Variants in TLK2 observed in about 807,000 individuals in gnomAD.
TLK2 encodes tousled like kinase 2.
TLK2 carries 6 observed loss-of-function variants against 117.3 expected under a neutral mutation model. The ratio of observed to expected loss-of-function variants is 0.05; its 90% CI spans 0.03 to 0.10. TLK2 has a LOEUF of 0.10. Among genes scored for constraint, TLK2 ranks in the 10% least tolerant of loss-of-function variants. The pLI is 1.00. For missense variants in TLK2, 299 were observed against 901.2 expected (o/e 0.33, Z 8.56); for synonymous variants, 257 against 316.7 (o/e 0.81, Z 2.00).
intron 12 of TLK2, among the ~76,000 whole-genome samples, chr17:62,575,012 T>C (rs184629250): frequency 6.6e-6 from 1 of 152,340 alleles, no homozygotes; most frequent in African/African-American, 2.4e-5. Flanking sequence ...TCATGACTCC[T>C]GTGTGTATTT....
At chr17:62,481,306 A>G in intron 2 of TLK2, 100 bp downstream of exon 2, 1 of 1,315,378 alleles carries the variant, frequency 7.6e-7, no homozygotes, top group Non-Finnish European at 1.1e-6. Flanking sequence ...GATAGTTTGC[A>G]GGGGAGAAGA....
intron 15 of TLK2, 52 bp downstream of exon 15, chr17:62,580,244 A>T (rs1328522036): frequency 1.8e-5 from 25 of 1,369,008 alleles, no homozygotes; most frequent in African/African-American, 2.9e-5. Context: ...ATCGGCTCCT[A>T]CCAACTTGGA....
chr17:62,475,086 C>T, upstream of TLK2, among the ~76,000 whole-genome samples: 1 of 152,122 alleles, frequency 6.6e-6, no homozygotes, highest in Non-Finnish European at 1.5e-5. Flanking sequence ...TCCTAGCAAC[C>T]AAACGTTTTT....
At chr17:62,608,606 T>C (rs1229381883) in intron 21 of TLK2, among the ~76,000 whole-genome samples, 2 of 152,192 alleles carry the variant, frequency 1.3e-5, no homozygotes, top group East Asian at 3.8e-4. Flanking sequence ...CTGGGTAATT[T>C]ATAAAGGAAA....
intron 6 of TLK2, among the ~76,000 whole-genome samples, chr17:62,529,396 C>T (rs935683848): frequency 6.6e-5 from 10 of 152,012 alleles, no homozygotes; most frequent in Non-Finnish European, 1.2e-4. Context: ...ATCACCATGC[C>T]GAGATAATCT....
At chr17:62,580,087 G>A in intron 14 of TLK2, 24 bp from the exon 15 acceptor site, 1 of 1,602,824 alleles carries the variant, frequency 6.2e-7, no homozygotes, top group Non-Finnish European at 8.5e-7. Flanking sequence ...ATCTCAGGGT[G>A]TTACATGTTC....
rs1166418505 is a variant in TLK2, at chr17:62,613,983, G to T, written c.*1418G>T. The stretch of plus-strand genomic sequence containing the variant: ...TACTAAAAATATAAAAATTAGCCTG[G>T]CGTGGTGGCGTGTGCCTCTAGTCCC... On this transcript the variant is annotated 3_prime_UTR_variant, in exon 22 of 22. Coordinates refer to ENST00000346027, the MANE Select transcript of TLK2 (RefSeq NM_006852.6). 6.6e-6 allele frequency: 1 copy of T among 152,068 alleles called. No homozygotes were observed. Among genetic ancestry groups the T allele is most frequent in the Non-Finnish European group, 1.5e-5 (1 of 68,026 alleles). 9.4% of individuals were successfully genotyped at this position (152,068 alleles called of 1,614,324 possible). A position where few individuals can be genotyped will look rare whatever the true frequency, so the allele number is the denominator to read the frequency against.
intron 12 of TLK2, among the ~76,000 whole-genome samples, chr17:62,575,343 A>C (rs1052443854): frequency 1.3e-5 from 2 of 152,224 alleles, no homozygotes; most frequent in Non-Finnish European, 2.9e-5. Context: ...TTTCAGACAG[A>C]GAATTCTTAG....
At chr17:62,538,926 T>TTCCC (rs2077308178) in intron 7 of TLK2, among the ~76,000 whole-genome samples, 1 of 152,128 alleles carries the variant, frequency 6.6e-6, no homozygotes, top group Non-Finnish European at 1.5e-5. Flanking sequence ...GCAAAGACTG[T>TTCCC]TTTTGAAAAG....
intron 2 of TLK2, among the ~76,000 whole-genome samples, chr17:62,500,783 A>C (rs2074121555): frequency 6.6e-6 from 1 of 152,242 alleles, no homozygotes; most frequent in Non-Finnish European, 1.5e-5. Flanking sequence ...ATGGAATTAA[A>C]TTAGAAATGA....
At chr17:62,605,932 G>T (rs1448302116) in intron 19 of TLK2, among the ~76,000 whole-genome samples, 198 bp from the exon 20 acceptor site, 4 of 148,892 alleles carry the variant, frequency 2.7e-5, no homozygotes, top group Non-Finnish European at 5.9e-5. Flanking sequence ...ACCCGAGCTC[G>T]GGAGGTTGAG....
intron 9 of TLK2, among the ~76,000 whole-genome samples, chr17:62,559,219 G>A (rs1458493558): frequency 1.3e-5 from 2 of 152,050 alleles, no homozygotes; most frequent in Admixed American, 6.6e-5. Flanking sequence ...TGTGGGCATG[G>A]GCGTGCCTGG....
At chr17:62,596,290 G>C (rs1214174339) in intron 16 of TLK2, among the ~76,000 whole-genome samples, 1 of 151,940 alleles carries the variant, frequency 6.6e-6, no homozygotes, top group Admixed American at 6.6e-5. Context: ...TGGCCAGGAT[G>C]GTCTCCATCT....
In TLK2 at chr17:62,517,898, G is replaced by A. The variant is rs187372232; in HGVS notation, c.82-2875G>A. On this transcript the variant is annotated intron_variant, in intron 2 of 21. Coordinates refer to ENST00000346027, the MANE Select transcript of TLK2 (RefSeq NM_006852.6). ...ATTTTAGTATAGATGGGATTTCACC[G>A]TGTTGGCCAGGCTGGTCTTGAACTC... Among the ~76,000 whole-genome samples the A allele has an allele frequency of 6.1e-4, 93 of 151,660 alleles. No homozygotes were observed. In the East Asian group the frequency reaches 0.013, roughly 22 times the overall value.
At chr17:62,548,240 A>ATATATATATG (rs368516607) in intron 7 of TLK2, among the ~76,000 whole-genome samples, 1,768 of 121,220 alleles carry the variant, frequency 0.015, 16 homozygotes, top group Middle Eastern at 0.056. Context: ...ATATATATAT[A>ATATATATATG]TGTGTGTGTG....
At chr17:62,554,876 CAAA>C (rs35726174) in intron 9 of TLK2, among the ~76,000 whole-genome samples, 2 of 131,916 alleles carry the variant, frequency 1.5e-5, no homozygotes. Flanking sequence ...GACCCTGCCT[CAAA>C]AAAAAAAAAA....
chr17:62,572,685 G>T (rs547125129), intron 11 of TLK2, among the ~76,000 whole-genome samples: 2 of 152,276 alleles, frequency 1.3e-5, no homozygotes, highest in Admixed American at 6.5e-5. Flanking sequence ...CGGGGTTGAC[G>T]TGTAGAGTAG....
At chr17:62,512,643 G>T (rs1011045873) in intron 2 of TLK2, among the ~76,000 whole-genome samples, 3 of 151,776 alleles carry the variant, frequency 2.0e-5, no homozygotes, top group African/African-American at 7.3e-5. Flanking sequence ...TCAGTAATTT[G>T]TTTCCTCATC....
chr17:62,483,826 ATTAG>A (rs887769234), intron 2 of TLK2, among the ~76,000 whole-genome samples: 7 of 146,906 alleles, frequency 4.8e-5, no homozygotes, highest in African/African-American at 1.8e-4. Context: ...TTTTTATTCC[ATTAG>A]TTGTTTTTTT....
Sources: gnomAD v4.1 joint callset for allele counts (sites outside exome capture counted in the v4.1 genomes callset) on GRCh38, gnomAD v4.1.1 for gene constraint, MANE v1.5 for transcripts, NCBI Gene and HGNC (gene_info 2026-07-23, HGNC 2026-07-21) for gene names.